Variants in LUZP2 observed in about 807,000 individuals in gnomAD.
LUZP2 encodes leucine zipper protein 2.
Under a neutral mutation model 51.6 loss-of-function variants are expected in LUZP2, and 52 were observed. That is an observed-to-expected ratio of 1.01 (90% CI 0.81 to 1.27). The LOEUF (loss-of-function observed/expected upper bound fraction) is 1.27. LUZP2 is among the 50% of genes most tolerant of loss of function. LUZP2 has a pLI of 0.00. For synonymous variants in LUZP2, 154 were observed against 137.3 expected (o/e 1.12, Z -0.85); for missense variants, 436 against 395.4 (o/e 1.10, Z -0.87).
intron 9 of LUZP2, among the ~76,000 whole-genome samples, chr11:25,005,612 G>T (rs979045163): frequency 6.6e-6 from 1 of 152,084 alleles, no homozygotes; most frequent in Non-Finnish European, 1.5e-5. Context: ...ACCACCCATG[G>T]TTTTGGTTTG....
intron 1 of LUZP2, among the ~76,000 whole-genome samples, chr11:24,528,884 C>G (rs1307478104): frequency 1.3e-5 from 2 of 151,148 alleles, no homozygotes; most frequent in Non-Finnish European, 3.0e-5. Flanking sequence ...GAAGTGTTAT[C>G]TCATATTACT....
chr11:24,853,979 C>A (rs2134229407), intron 5 of LUZP2, among the ~76,000 whole-genome samples: 1 of 152,204 alleles, frequency 6.6e-6, no homozygotes, highest in East Asian at 1.9e-4. Context: ...GCCGCCTGTT[C>A]CTCCCTCTGG....
At position 24,976,023 on chromosome 11, in the gene LUZP2, C is replaced by T. The variant is rs995767514; in HGVS notation, c.523-568C>T. 4.6e-5 allele frequency among the ~76,000 whole-genome samples: 7 copies of T among 152,100 alleles called. 1 individual carries two copies. The highest frequency in any genetic ancestry group is 4.6e-4 in the Admixed American group (7 of 15,232). ...AGTTTCTGGCGAAGGCTCTTCCTGG[C>T]TTGTAGTCAGTGCCTTCTCTGTCTG... On this transcript the variant is annotated intron_variant, in intron 7 of 11. Transcript: ENST00000336930.
intron 4 of LUZP2, among the ~76,000 whole-genome samples, chr11:24,743,889 T>C (rs1859277960): frequency 6.6e-6 from 1 of 152,134 alleles, no homozygotes; most frequent in South Asian, 2.1e-4. Flanking sequence ...TGCTGAAGGT[T>C]TTAATCATAA....
intron 1 of LUZP2, among the ~76,000 whole-genome samples, chr11:24,513,422 G>A (rs1169743801): frequency 6.6e-6 from 1 of 152,072 alleles, no homozygotes; most frequent in Non-Finnish European, 1.5e-5. Context: ...TCAAGAGAAC[G>A]ATATAGATGA....
chr11:24,961,532 G>C (rs1855405998), intron 7 of LUZP2, among the ~76,000 whole-genome samples: 1 of 151,840 alleles, frequency 6.6e-6, no homozygotes, highest in Non-Finnish European at 1.5e-5. Flanking sequence ...GATCTTTGTT[G>C]GTTTAAAGTC....
At position 24,913,669 on chromosome 11, in the gene LUZP2, T is replaced by TTGTGTGTGTGTG. The variant is rs35901522; in HGVS notation, c.460-791_460-780dup. Among the ~76,000 whole-genome samples the TTGTGTGTGTGTG allele has an allele frequency of 1.5e-4, 22 of 148,550 alleles. 1 individual carries two copies. The highest frequency in any genetic ancestry group is 5.2e-4 in the African/African-American group (21 of 40,674). ...CATGTGATCATGCTAATCTATTTAT[T>TTGTGTGTGTGTG]TGTGTGTGTGTGTGTGTGTGTGTGT... On this transcript the variant is annotated intron_variant, in intron 6 of 11. Transcript: ENST00000336930.
intron 1 of LUZP2, among the ~76,000 whole-genome samples, chr11:24,656,541 A>G (rs1294820156): frequency 6.6e-6 from 1 of 152,190 alleles, no homozygotes; most frequent in Non-Finnish European, 1.5e-5. Flanking sequence ...TCACTGAGGT[A>G]AAATCAAGGT....
chr11:24,681,622 C>T (rs1329577370), intron 1 of LUZP2, among the ~76,000 whole-genome samples: 5 of 152,062 alleles, frequency 3.3e-5, no homozygotes, highest in Non-Finnish European at 7.4e-5. Context: ...TTGGATTTAT[C>T]GATGTCTTTC....
chr11:24,930,211 A>G (rs894004482), intron 7 of LUZP2, among the ~76,000 whole-genome samples: 1 of 152,148 alleles, frequency 6.6e-6, no homozygotes, highest in Non-Finnish European at 1.5e-5. Flanking sequence ...TAAGTGAAGC[A>G]TTTAGGCCAT....
chr11:24,905,861 C>A, intron 5 of LUZP2, 130 bp from the exon 6 acceptor site: 2 of 555,160 alleles, frequency 3.6e-6, no homozygotes, highest in South Asian at 2.9e-5. Flanking sequence ...AGTTTTACAC[C>A]AATCCATTAC....
At chr11:24,664,656 G>T (rs529763522) in intron 1 of LUZP2, among the ~76,000 whole-genome samples, 21 of 152,256 alleles carry the variant, frequency 1.4e-4, no homozygotes, top group African/African-American at 5.1e-4. Flanking sequence ...ACTACTTTCA[G>T]TTCCAGCCAT....
intron 2 of LUZP2, among the ~76,000 whole-genome samples, chr11:24,729,888 T>G (rs1858650741): frequency 6.6e-6 from 1 of 151,930 alleles, no homozygotes; most frequent in Non-Finnish European, 1.5e-5. Flanking sequence ...AATGTATCTA[T>G]GAGGTAGATC....
intron 5 of LUZP2, among the ~76,000 whole-genome samples, chr11:24,764,468 C>G (rs1430637567): frequency 1.0e-5 from 1 of 96,878 alleles, no homozygotes; most frequent in African/African-American, 3.8e-5. Context: ...CCAGTCTGGA[C>G]AACATGGTAA....
intron 5 of LUZP2, among the ~76,000 whole-genome samples, chr11:24,792,294 G>T (rs1226794344): frequency 6.6e-6 from 1 of 151,950 alleles, no homozygotes; most frequent in African/African-American, 2.4e-5. Flanking sequence ...GGGCATGGTG[G>T]TGCACACCTG....
At chr11:24,729,574 C>T (rs961449473) in intron 2 of LUZP2, among the ~76,000 whole-genome samples, 2 of 151,806 alleles carry the variant, frequency 1.3e-5, no homozygotes, top group Non-Finnish European at 2.9e-5. Context: ...TATAAAATGA[C>T]AAATTATGAT....
chr11:24,566,363 C>A, intron 1 of LUZP2, among the ~76,000 whole-genome samples: 1 of 142,956 alleles, frequency 7.0e-6, no homozygotes, highest in Non-Finnish European at 1.5e-5. Flanking sequence ...CGTAGTCTCA[C>A]TCTGTCGCCA....
intron 7 of LUZP2, among the ~76,000 whole-genome samples, chr11:24,920,458 A>T (rs541592323): frequency 2.0e-5 from 3 of 152,188 alleles, no homozygotes; most frequent in Admixed American, 2.0e-4. Context: ...CTCCCCCAAA[A>T]AGAAATAATT....
Position 25,078,906 on chromosome 11 carries a change from T to C in LUZP2, c.*248T>C. On this transcript the variant is annotated 3_prime_UTR_variant, in exon 12 of 12. Coordinates refer to ENST00000336930, the MANE Select transcript of LUZP2 (RefSeq NM_001009909.4). ...CAACAGTAAATTGTCCCATATAAATTGGTCTGGTTTAACTCAAATGCTATC... is the reference window on the plus strand; with the variant it reads ...CAACAGTAAATTGTCCCATATAAATCGGTCTGGTTTAACTCAAATGCTATC... The C allele has an allele frequency of 2.6e-6, 1 of 378,924 alleles. No individual in the cohort carries two copies. The highest frequency in any genetic ancestry group is 4.7e-6 in the Non-Finnish European group (1 of 213,460). 23.5% of individuals were successfully genotyped at this position (378,924 alleles called of 1,614,324 possible).
Sources: allele counts gnomAD v4.1 joint callset (sites outside exome capture counted in the v4.1 genomes callset), GRCh38; gene constraint gnomAD v4.1.1; transcripts MANE v1.5; gene names NCBI Gene and HGNC (gene_info 2026-07-23, HGNC 2026-07-21).